The following PTPN21 variants were observed in gnomAD, a reference collection of about 807,000 sequenced individuals.
PTPN21 encodes protein tyrosine phosphatase non-receptor type 21.
Under a neutral mutation model 131.8 loss-of-function variants are expected in PTPN21, and 77 were observed. The observed-to-expected ratio is 0.58, with a 90% CI of 0.49 to 0.71. The LOEUF (loss-of-function observed/expected upper bound fraction) is 0.71. PTPN21 is among the 30% of genes least tolerant of loss of function. PTPN21 has a pLI of 0.00. For synonymous variants in PTPN21, 715 were observed against 621.3 expected (o/e 1.15, Z -2.24); for missense variants, 1,552 against 1,527.1 (o/e 1.02, Z -0.27).
At chr14:88,530,110 T>C (rs930853494) in intron 2 of PTPN21, among the ~76,000 whole-genome samples, 4 of 152,138 alleles carry the variant, frequency 2.6e-5, no homozygotes, top group Non-Finnish European at 5.9e-5. Context: ...CAGAAGGCAT[T>C]GGGGTCCTAT....
At chr14:88,471,964 G>A (rs781780431) in intron 15 of PTPN21, among the ~76,000 whole-genome samples, 35 of 151,752 alleles carry the variant, frequency 2.3e-4, no homozygotes, top group Admixed American at 1.6e-3. Context: ...CCTGAGTCCT[G>A]GTAACAGTGT....
chr14:88,518,049 AT>A, intron 2 of PTPN21, among the ~76,000 whole-genome samples: 1 of 146,250 alleles, frequency 6.8e-6, no homozygotes. Flanking sequence ...TCGTGAATGT[AT>A]TTTTTTGGTT....
intron 3 of PTPN21, chr14:88,515,456 G>A (rs1253369328): frequency 2.0e-5 from 3 of 152,100 alleles, no homozygotes; most frequent in African/African-American, 7.2e-5. Context: ...TTTGTGAAAT[G>A]TAAATTTAAT....
chr14:88,544,821 T>TTTTTC (rs1240535022), intron 2 of PTPN21, among the ~76,000 whole-genome samples: 1 of 151,934 alleles, frequency 6.6e-6, no homozygotes, highest in Non-Finnish European at 1.5e-5. Flanking sequence ...AAATATGTAC[T>TTTTTC]TTTTCTTTTC....
rs570373413 is a variant in PTPN21 at position 88,554,668 on chromosome 14, C to G, written c.-220G>C. ...GCCCTCACCTGCTCCCGCTCCCGCTCCCGCATCCTCGGGGCCGCGCGCCCC... is the reference window on the plus strand; with the variant it reads ...GCCCTCACCTGCTCCCGCTCCCGCTGCCGCATCCTCGGGGCCGCGCGCCCC... On this transcript the variant is annotated 5_prime_UTR_variant, in exon 1 of 19. Transcript: ENST00000556564. 1.3e-5 allele frequency: 2 copies of G among 149,354 alleles called. No individual in the cohort carries two copies. Among genetic ancestry groups the G allele is most frequent in the South Asian group, 4.0e-4 (2 of 4,990 alleles). The allele number at this position is 149,354 out of a possible 1,614,324, so 9.3% of individuals were successfully genotyped here.
chr14:88,496,298 G>A (rs1359786020), intron 10 of PTPN21, 115 bp downstream of exon 10: 4 of 914,066 alleles, frequency 4.4e-6, no homozygotes, highest in Admixed American at 2.3e-5. Flanking sequence ...AACAGCTATA[G>A]GATCAAGAAA....
At chr14:88,530,742 T>G (rs2078545253) in intron 2 of PTPN21, among the ~76,000 whole-genome samples, 1 of 152,024 alleles carries the variant, frequency 6.6e-6, no homozygotes, top group South Asian at 2.1e-4. Context: ...AATATTACCA[T>G]CCTAGATATA....
At chr14:88,551,433 G>A (rs1016055606) in intron 1 of PTPN21, 1 of 152,218 alleles carries the variant, frequency 6.6e-6, no homozygotes, top group African/African-American at 2.4e-5. Flanking sequence ...CTCAGGCCCC[G>A]GCTTCTCCCG....
chr14:88,485,030 C>A (rs1223128397), intron 12 of PTPN21, 46 bp downstream of exon 12: 1 of 1,441,440 alleles, frequency 6.9e-7, no homozygotes, highest in Admixed American at 1.7e-5. Context: ...ACAGATTTAT[C>A]CATAGTCATA....
intron 2 of PTPN21, among the ~76,000 whole-genome samples, chr14:88,522,386 T>TACCACTGC (rs1476664227): frequency 7.4e-6 from 1 of 134,324 alleles, no homozygotes. Flanking sequence ...CATGCCACTG[T>TACCACTGC]ACCACTGCAC....
intron 8 of PTPN21, among the ~76,000 whole-genome samples, chr14:88,500,138 T>C (rs777368755): frequency 6.7e-5 from 9 of 135,172 alleles, no homozygotes; most frequent in East Asian, 2.2e-4. Flanking sequence ...ATATTTTTCA[T>C]AGGAAAGAGC....
At chr14:88,527,614 T>C (rs941023201) in intron 2 of PTPN21, among the ~76,000 whole-genome samples, 2 of 152,244 alleles carry the variant, frequency 1.3e-5, no homozygotes, top group Admixed American at 1.3e-4. Context: ...GGTTGTCTGT[T>C]TACTCTACTG....
intron 2 of PTPN21, among the ~76,000 whole-genome samples, chr14:88,522,094 A>G (rs538708077): frequency 3.3e-5 from 5 of 152,294 alleles, no homozygotes; most frequent in African/African-American, 9.6e-5. Context: ...AGAAGAGAGT[A>G]GCGAGAACTT....
chr14:88,493,822 C>T (rs142993661), intron 10 of PTPN21, among the ~76,000 whole-genome samples: 3 of 152,310 alleles, frequency 2.0e-5, no homozygotes, highest in East Asian at 1.9e-4. Context: ...GGGTGACGTA[C>T]CATTTTCCTA....
At chr14:88,473,622 T>C in intron 14 of PTPN21, 43 bp downstream of exon 14, 1 of 1,580,206 alleles carries the variant, frequency 6.3e-7, no homozygotes, top group Non-Finnish European at 8.5e-7. Flanking sequence ...TATTTACCGG[T>C]TGTTCCAGAG....
intron 6 of PTPN21, chr14:88,504,061 CAA>C: frequency 5.2e-6 from 1 of 192,170 alleles, no homozygotes; most frequent in East Asian, 1.5e-4. Flanking sequence ...TAAAAGAAAA[CAA>C]ATCATCCTAA....
At chr14:88,498,828 A>C (rs889231357) in intron 8 of PTPN21, among the ~76,000 whole-genome samples, 1 of 152,238 alleles carries the variant, frequency 6.6e-6, no homozygotes, top group Non-Finnish European at 1.5e-5. Context: ...TTATATGTTA[A>C]TATTTGATTT....
chr14:88,518,625 T>G (rs1566840236), intron 2 of PTPN21, among the ~76,000 whole-genome samples: 1 of 149,426 alleles, frequency 6.7e-6, no homozygotes, highest in Non-Finnish European at 1.5e-5. Flanking sequence ...GGGACAGGGT[T>G]TTACCATGTT....
In PTPN21 at chr14:88,526,547, C is replaced by CAA. The variant is rs10587204; in HGVS notation, c.181-9288_181-9287dup. ...CCTGGGCAATAGAGCGAGATGATCT[C>CAA]AAAAAAAAAAAAAAAAAAAAAAAAA... On this transcript the variant is annotated intron_variant, in intron 2 of 18. Coordinates refer to ENST00000556564, the MANE Select transcript of PTPN21 (RefSeq NM_007039.4). 7.7e-3 allele frequency among the ~76,000 whole-genome samples: 439 copies of CAA among 56,908 alleles called. 76 individuals carry two copies. The highest frequency in any genetic ancestry group is 0.028 in the African/African-American group (345 of 12,148). 37.3% of individuals were successfully genotyped at this position (56,908 alleles called of 152,430 possible).
Sources: allele counts gnomAD v4.1 joint callset (sites outside exome capture counted in the v4.1 genomes callset), GRCh38; gene constraint gnomAD v4.1.1; transcripts MANE v1.5; gene names NCBI Gene and HGNC (gene_info 2026-07-23, HGNC 2026-07-21).